Variants in TXNDC12 observed in about 807,000 individuals in gnomAD.
TXNDC12 encodes thioredoxin domain containing 12, also known as thioredoxin domain-containing protein 12.
In TXNDC12, 22 loss-of-function variants were observed where a neutral mutation model predicts 24.2. The observed-to-expected ratio is 0.91, with a 90% confidence interval of 0.65 to 1.30. The LOEUF is 1.30. Among genes scored for constraint, TXNDC12 ranks in the 50% most tolerant of loss-of-function variants. The pLI is 0.00. For missense variants in TXNDC12, 184 were observed against 205.8 expected, an observed-to-expected ratio of 0.89 and a Z score of 0.65; for synonymous variants, 58 against 73.4, an observed-to-expected ratio of 0.79 and a Z score of 1.07.
intron 2 of TXNDC12, among the ~76,000 whole-genome samples, chr1:52,035,896 G>C (rs1008860238): frequency 1.3e-5 from 2 of 152,202 alleles, no homozygotes; most frequent in Non-Finnish European, 2.9e-5. Context: ...TCTGAAGCCA[G>C]AGTGCTTGGG....
intron 2 of TXNDC12, among the ~76,000 whole-genome samples, chr1:52,040,006 A>G (rs1685956784): frequency 6.6e-6 from 1 of 151,952 alleles, no homozygotes; most frequent in Non-Finnish European, 1.5e-5. Context: ...ATCTCAGCGC[A>G]CTGCAACCTC....
At chr1:52,038,981 C>T (rs1685936987) in intron 2 of TXNDC12, among the ~76,000 whole-genome samples, 2 of 120,350 alleles carry the variant, frequency 1.7e-5, no homozygotes, top group Non-Finnish European at 1.6e-5. Flanking sequence ...GAGACAGGGT[C>T]TTACTTTGTT....
At chr1:52,041,004 C>A (rs1685977522) in intron 2 of TXNDC12, among the ~76,000 whole-genome samples, 1 of 150,348 alleles carries the variant, frequency 6.7e-6, no homozygotes, top group African/African-American at 2.5e-5. Context: ...CACTGCACTC[C>A]CGCCTGGGTG....
At chr1:52,049,362 C>T (rs1445515904) in intron 1 of TXNDC12, among the ~76,000 whole-genome samples, 4 of 152,076 alleles carry the variant, frequency 2.6e-5, no homozygotes, top group African/African-American at 9.7e-5. Context: ...GAGGCTGAGG[C>T]GGGTGGATCA....
chr1:52,025,644 A>C (rs1029731197), intron 4 of TXNDC12, among the ~76,000 whole-genome samples: 1 of 152,190 alleles, frequency 6.6e-6, no homozygotes, highest in Admixed American at 6.5e-5. Flanking sequence ...GTGCAAAGGC[A>C]ATCAATACTT....
At chr1:52,035,936 G>A (rs934297055) in intron 2 of TXNDC12, among the ~76,000 whole-genome samples, 1 of 152,120 alleles carries the variant, frequency 6.6e-6, no homozygotes, top group African/African-American at 2.4e-5. Flanking sequence ...GTGCTCTTGG[G>A]CAAGTTATTT....
chr1:52,033,211 G>C (rs1449605976), intron 2 of TXNDC12: 19 of 1,614,102 alleles, frequency 1.2e-5, no homozygotes, highest in Non-Finnish European at 1.6e-5. Context: ...AAGAGCTGGA[G>C]ACTCCGCAGC....
intron 1 of TXNDC12, among the ~76,000 whole-genome samples, chr1:52,054,771 C>A (rs1307097605): frequency 6.6e-6 from 1 of 152,152 alleles, no homozygotes; most frequent in Non-Finnish European, 1.5e-5. Context: ...TTCCTTCCCC[C>A]CAATCCAATA....
chr1:52,027,319 C>T lies in TXNDC12; in HGVS notation c.241G>A (p.Glu81Lys). Residue 81 changes from glutamate to lysine, a missense_variant, in exon 4 of 7, where the codon GAA becomes AAA. Physicochemically the swap from Glu to Lys is moderately conservative, Grantham distance 56. Coordinates refer to ENST00000371626, the MANE Select transcript of TXNDC12 (RefSeq NM_015913.4). ...ALKPKFAEST[E>K]ISELSHNFVM... is the part of the protein sequence containing the mutation. ...AAATTATGGGAGAGTTCTGAAATTT[C>T]CGTAGATTCTGCAAATTTGGGCTTT... is the stretch of plus-strand genomic sequence containing the variant. 6.2e-7 allele frequency: 1 copy of T among 1,613,326 alleles called. No individual in the cohort carries two copies. The highest frequency in any genetic ancestry group is 1.1e-5 in the South Asian group (1 of 91,044).
rs750795944 is a variant in TXNDC12 at position 52,033,339 on chromosome 1, G to C, written c.159-4709C>G. Reference sequence around the variant, plus strand: ...TGCTGCCCGCCGCCTGGGCTCTCCCGTCCTCCTCAGCGCGTGGCCGCCAAC... The same window carrying C: ...TGCTGCCCGCCGCCTGGGCTCTCCCCTCCTCCTCAGCGCGTGGCCGCCAAC... On this transcript the variant is annotated intron_variant, in intron 2 of 6. Transcript: ENST00000371626. 1.2e-5 allele frequency: 19 copies of C among 1,613,732 alleles called. 1 individual carries two copies. In the Admixed American group the frequency reaches 3.0e-4, roughly 25 times the overall value.
At chr1:52,033,118 C>A (rs768431662) in intron 2 of TXNDC12, 3 of 1,613,198 alleles carry the variant, frequency 1.9e-6, no homozygotes, top group Non-Finnish European at 2.5e-6. Flanking sequence ...AGCCTCAAAG[C>A]GCAGCGTTAG....
intron 2 of TXNDC12, among the ~76,000 whole-genome samples, chr1:52,038,063 A>G (rs1360114280): frequency 2.0e-5 from 3 of 151,896 alleles, no homozygotes; most frequent in Non-Finnish European, 4.4e-5. Context: ...GAGTAGCAGG[A>G]ACAACAGGTG....
rs1212480348 is a variant in TXNDC12 at position 52,024,516 on chromosome 1, A to G, written c.349T>C (p.Phe117Leu). 6.2e-7 allele frequency: 1 copy of G among 1,612,558 alleles called. No homozygotes were observed. Among genetic ancestry groups the G allele is most frequent in the South Asian group, 1.1e-5 (1 of 90,870 alleles). ...TTAAGATCATGTGCCTTACCCAGAA[A>G]AAGGATTCGTGGAATATAACCCCCG... Reference protein sequence around the residue: ...PDGGYIPRILFLDPSGKVHPE... With the variant: ...PDGGYIPRILLLDPSGKVHPE... Residue 117 changes from phenylalanine to leucine, a missense_variant, in exon 5 of 7, where the codon TTT becomes CTT. By Grantham distance (22) the Phe-to-Leu change is conservative. Coordinates refer to ENST00000371626, the MANE Select transcript of TXNDC12 (RefSeq NM_015913.4).
chr1:52,033,100 G>A, intron 2 of TXNDC12: 2 of 1,611,486 alleles, frequency 1.2e-6, no homozygotes, highest in Non-Finnish European at 1.7e-6. Context: ...GCGATTCCGA[G>A]AATCGGGAGC....
intron 1 of TXNDC12, among the ~76,000 whole-genome samples, chr1:52,050,440 A>T (rs1480156565): frequency 6.6e-6 from 1 of 152,196 alleles, no homozygotes; most frequent in Non-Finnish European, 1.5e-5. Context: ...TTAATTTTTT[A>T]AAAAAGAAAA....
intron 2 of TXNDC12, chr1:52,033,647 C>G: frequency 3.1e-6 from 5 of 1,611,494 alleles, no homozygotes; most frequent in Non-Finnish European, 4.2e-6. Flanking sequence ...CCCAGGACAG[C>G]TGCGTCGTCC....
At chr1:52,029,067 G>C (rs2124363653) in intron 2 of TXNDC12, among the ~76,000 whole-genome samples, 1 of 152,324 alleles carries the variant, frequency 6.6e-6, no homozygotes, top group Admixed American at 6.5e-5. Flanking sequence ...GGCAGAGGTT[G>C]CAGTGAGCTG....
Position 52,032,710 on chromosome 1 carries a change from T to C in TXNDC12, c.159-4080A>G, listed in dbSNP as rs1405385179. 9.3e-6 allele frequency: 15 copies of C among 1,607,820 alleles called. No individual in the cohort carries two copies. Among genetic ancestry groups the C allele is most frequent in the Non-Finnish European group, 1.3e-5 (15 of 1,176,648 alleles). The stretch of plus-strand genomic sequence containing the variant: ...TACCTCCTCTGGTCAGTGCAGGCTC[T>C]GGCTCAAATACTGAAGAAACATGTT... On this transcript the variant is annotated intron_variant, in intron 2 of 6. Coordinates refer to ENST00000371626, the MANE Select transcript of TXNDC12 (RefSeq NM_015913.4).
At chr1:52,025,823 C>CTT (rs1169704242) in intron 4 of TXNDC12, among the ~76,000 whole-genome samples, 7 of 142,488 alleles carry the variant, frequency 4.9e-5, no homozygotes, top group Admixed American at 7.1e-5. Flanking sequence ...TAAACATTAT[C>CTT]TTTTTTTTTT....
Sources: allele counts gnomAD v4.1 joint callset (sites outside exome capture counted in the v4.1 genomes callset), GRCh38; gene constraint gnomAD v4.1.1; transcripts MANE v1.5; gene names NCBI Gene and HGNC (gene_info 2026-07-23, HGNC 2026-07-21).